The following HYAL4 variants were observed in gnomAD, a reference collection of about 807,000 sequenced individuals.
The protein encoded by HYAL4 is hyaluronidase 4.
In HYAL4, 37 loss-of-function variants were observed where a neutral mutation model predicts 35.2. That is an observed-to-expected ratio of 1.05 (90% CI 0.81 to 1.38). The LOEUF is 1.38. HYAL4 is among the 40% of genes most tolerant of loss of function. The pLI is 0.00. For synonymous variants in HYAL4, 198 were observed against 203.2 expected (o/e 0.97, Z 0.22); for missense variants, 572 against 572.4 (o/e 1.00, Z 0.01).
intron 3 of HYAL4, 85 bp downstream of exon 3, chr7:123,869,312 T>A (rs554741356): frequency 8.7e-6 from 8 of 915,124 alleles, no homozygotes; most frequent in Non-Finnish European, 1.3e-5. Context: ...CTTTGAAGAA[T>A]TGATTTCAAT....
the HYAL4 span, among the ~76,000 whole-genome samples, chr7:123,778,877 T>C: frequency 7.5e-4 from 114 of 152,318 alleles, no homozygotes; most frequent in Middle Eastern, 3.4e-3. Context: ...TAATTACACT[T>C]CCTCATACTC....
chr7:123,838,278 A>C (rs1298069490), intron 1 of HYAL4, among the ~76,000 whole-genome samples: 4 of 147,758 alleles, frequency 2.7e-5, no homozygotes, highest in Non-Finnish European at 4.4e-5. Flanking sequence ...AGAATTATAT[A>C]CAAAGAAACT....
At chr7:123,876,610 A>C in intron 4 of HYAL4, 144 bp from the exon 5 acceptor site, 1 of 855,018 alleles carries the variant, frequency 1.2e-6, no homozygotes, top group South Asian at 1.9e-5. Context: ...CAACTGAACC[A>C]AGCCATTATG....
chr7:123,826,566 A>G (rs536811031), upstream of HYAL4, among the ~76,000 whole-genome samples: 1 of 152,114 alleles, frequency 6.6e-6, no homozygotes, highest in Non-Finnish European at 1.5e-5. Context: ...AGTTGCTTTT[A>G]TTTTTCTAAT....
At chr7:123,769,102 G>A in the HYAL4 span, among the ~76,000 whole-genome samples, 1 of 152,210 alleles carries the variant, frequency 6.6e-6, no homozygotes, top group Non-Finnish European at 1.5e-5. Context: ...AAACACAAGT[G>A]AGTTCATTAC....
At chr7:123,817,909 G>T in the HYAL4 span, among the ~76,000 whole-genome samples, 1 of 151,648 alleles carries the variant, frequency 6.6e-6, no homozygotes, top group East Asian at 1.9e-4. Context: ...ATGGAGTCTC[G>T]CCCTGTCACC....
the HYAL4 span, among the ~76,000 whole-genome samples, chr7:123,767,769 TTAA>T: frequency 6.6e-6 from 1 of 152,036 alleles, no homozygotes; most frequent in Non-Finnish European, 1.5e-5. Flanking sequence ...CACACATATA[TTAA>T]TAGTAGAGTG....
chr7:123,845,225 T>C lies in HYAL4; in HGVS notation c.-582T>C, dbSNP rs980298102. On this transcript the variant is annotated 5_prime_UTR_variant, in exon 1 of 5. Transcript: ENST00000223026. ...TCCTTTTTTTTTTTTTTTTTTTTTT[T>C]TGAGATGAAGTCTTACTCTGTTGCC... 1 of 143,856 alleles carries C rather than the reference T, an allele frequency of 7.0e-6. No individual in the cohort carries two copies. Among genetic ancestry groups the C allele is most frequent in the African/African-American group, 2.7e-5 (1 of 36,936 alleles). 8.9% of individuals were successfully genotyped at this position (143,856 alleles called of 1,614,324 possible). A position where few individuals can be genotyped will look rare whatever the true frequency, so the allele number is the denominator to read the frequency against.
intron 3 of HYAL4, among the ~76,000 whole-genome samples, chr7:123,870,332 C>T (rs929847426): frequency 6.6e-6 from 1 of 152,084 alleles, no homozygotes; most frequent in South Asian, 2.1e-4. Flanking sequence ...AATACCATAC[C>T]TCCAACATCA....
chr7:123,843,803 T>G (rs1404486851), upstream of HYAL4, among the ~76,000 whole-genome samples: 1 of 152,006 alleles, frequency 6.6e-6, no homozygotes, highest in Non-Finnish European at 1.5e-5. Context: ...TTGAATCTTG[T>G]GCATCCGTCA....
chr7:123,772,351 C>T, the HYAL4 span, among the ~76,000 whole-genome samples: 2 of 152,078 alleles, frequency 1.3e-5, no homozygotes, highest in East Asian at 3.9e-4. Flanking sequence ...CGCAACATCC[C>T]GTCGTGGTTC....
At chr7:123,787,177 A>G in the HYAL4 span, among the ~76,000 whole-genome samples, 1 of 151,754 alleles carries the variant, frequency 6.6e-6, no homozygotes, top group Non-Finnish European at 1.5e-5. Context: ...ATCAAAATGT[A>G]TCTCACTCTG....
rs768054857 is a variant in HYAL4, at chr7:123,868,264, T to C, written c.-10T>C. On this transcript the variant is annotated 5_prime_UTR_variant, in exon 3 of 5. Transcript: ENST00000223026. The stretch of plus-strand genomic sequence containing the variant: ...TAAAGCAGAAGATAACGTAACATTT[T>C]TATCTTACCATGAAAGTATTATCTG... 2.0e-6 allele frequency: 3 copies of C among 1,477,978 alleles called. No homozygotes were observed. Among genetic ancestry groups the C allele is most frequent in the Non-Finnish European group, 2.7e-6 (3 of 1,104,172 alleles). The allele number at this position is 1,477,978 out of a possible 1,614,324, so 91.6% of individuals were successfully genotyped here. A position where few individuals can be genotyped will look rare whatever the true frequency, so the allele number is the denominator to read the frequency against.
chr7:123,874,847 C>A lies in HYAL4; in HGVS notation c.1041C>A (p.Ser347=). 1.3e-6 allele frequency: 2 copies of A among 1,528,158 alleles called. No individual in the cohort carries two copies. The highest frequency in any genetic ancestry group is 1.8e-6 in the Non-Finnish European group (2 of 1,101,378). 94.7% of individuals were successfully genotyped at this position (1,528,158 alleles called of 1,614,324 possible). The change falls in exon 4 of 5, where the codon TCC becomes TCA. Residue 347 remains serine (S), a synonymous_variant. Coordinates refer to ENST00000223026, the MANE Select transcript of HYAL4 (RefSeq NM_012269.3). ...VIWGDMNLTA[S]KANCTKVKQF... is the part of the protein sequence containing the mutation. ...GGGGAGACATGAATTTAACTGCATC[C>A]AAGGTAAGTCAGTATCTTGAAGGTA...
the HYAL4 span, among the ~76,000 whole-genome samples, chr7:123,769,640 G>C: frequency 2.0e-5 from 3 of 152,006 alleles, no homozygotes; most frequent in Non-Finnish European, 2.9e-5. Context: ...CAGCATGGGG[G>C]AAACAAGTCC....
At chr7:123,771,312 TATC>T in the HYAL4 span, among the ~76,000 whole-genome samples, 1 of 152,206 alleles carries the variant, frequency 6.6e-6, no homozygotes, top group Non-Finnish European at 1.5e-5. Context: ...GTCAACATGG[TATC>T]ATGCAAAATG....
chr7:123,817,777 T>C, the HYAL4 span, among the ~76,000 whole-genome samples: 1 of 151,978 alleles, frequency 6.6e-6, no homozygotes, highest in Admixed American at 6.6e-5. Flanking sequence ...CCCAAAGTGC[T>C]GGGATTACCC....
the HYAL4 span, among the ~76,000 whole-genome samples, chr7:123,767,433 G>GTC: frequency 6.6e-6 from 1 of 152,106 alleles, no homozygotes; most frequent in African/African-American, 2.4e-5. Flanking sequence ...ACATCAGTAG[G>GTC]TCTCAGTCTT....
the HYAL4 span, among the ~76,000 whole-genome samples, chr7:123,788,937 ATC>A: frequency 9.2e-5 from 14 of 152,318 alleles, no homozygotes; most frequent in African/African-American, 2.6e-4. Context: ...TCCTTTCTCT[ATC>A]TAATAAATAT....
Sources: allele counts gnomAD v4.1 joint callset (sites outside exome capture counted in the v4.1 genomes callset), GRCh38; gene constraint gnomAD v4.1.1; transcripts MANE v1.5; gene names NCBI Gene and HGNC (gene_info 2026-07-23, HGNC 2026-07-21).